Variants in KPNA3 observed in about 807,000 individuals in gnomAD.
KPNA3 encodes importin subunit alpha-4.
A neutral mutation model predicts 73.8 loss-of-function variants in KPNA3; 13 were observed. That is an observed-to-expected ratio of 0.18 (90% CI 0.11 to 0.28). The LOEUF (loss-of-function observed/expected upper bound fraction) is 0.28. KPNA3 is among the 10% of genes least tolerant of loss of function. KPNA3 has a pLI of 1.00. For synonymous variants in KPNA3, 186 were observed against 206.9 expected (o/e 0.90, Z 0.87); for missense variants, 360 against 618.1 (o/e 0.58, Z 4.43).
At chr13:49,777,770 C>A (rs938414893) in intron 1 of KPNA3, among the ~76,000 whole-genome samples, 7 of 151,862 alleles carry the variant, frequency 4.6e-5, no homozygotes, top group Non-Finnish European at 1.5e-5. Flanking sequence ...CTAGGCCTCT[C>A]AAAGTGCTGA....
At chr13:49,724,307 T>C (rs1426882919) in intron 7 of KPNA3, among the ~76,000 whole-genome samples, 3 of 142,192 alleles carry the variant, frequency 2.1e-5, no homozygotes, top group African/African-American at 7.8e-5. Context: ...ACATGATAAC[T>C]TTTTTTTTTT....
intron 10 of KPNA3, among the ~76,000 whole-genome samples, chr13:49,719,208 A>G (rs569813882): frequency 6.6e-6 from 1 of 152,290 alleles, no homozygotes; most frequent in East Asian, 1.9e-4. Context: ...TCACCTAAAA[A>G]TGCCTTGCAT....
chr13:49,751,381 T>G (rs375665227), intron 1 of KPNA3, among the ~76,000 whole-genome samples: 191 of 152,338 alleles, frequency 1.3e-3, no homozygotes, highest in African/African-American at 4.5e-3. Context: ...ACGGCCACTA[T>G]CTAAGAGTAA....
chr13:49,792,331 G>C (rs1172167780), intron 1 of KPNA3, 107 bp downstream of exon 1: 2 of 626,502 alleles, frequency 3.2e-6, no homozygotes, highest in East Asian at 9.6e-5. Context: ...GGCCAACTCC[G>C]GCCGACCACA....
intron 2 of KPNA3, among the ~76,000 whole-genome samples, chr13:49,736,000 C>T (rs771567264): frequency 1.3e-5 from 2 of 152,152 alleles, no homozygotes; most frequent in Admixed American, 6.5e-5. Context: ...AAGTTTGATG[C>T]CAATTCTTTT....
intron 6 of KPNA3, among the ~76,000 whole-genome samples, chr13:49,731,270 G>A (rs891513917): frequency 5.5e-5 from 1 of 18,114 alleles, no homozygotes; most frequent in Non-Finnish European, 1.0e-4. Flanking sequence ...TTTTTTTTTT[G>A]TAGAGCTGGG....
At chr13:49,778,360 A>AC (rs1954913622) in intron 1 of KPNA3, among the ~76,000 whole-genome samples, 1 of 152,212 alleles carries the variant, frequency 6.6e-6, no homozygotes, top group Non-Finnish European at 1.5e-5. Flanking sequence ...CCGAGCTGTA[A>AC]CCAATCTGAC....
At chr13:49,763,029 C>A (rs1954781894) in intron 1 of KPNA3, among the ~76,000 whole-genome samples, 1 of 151,476 alleles carries the variant, frequency 6.6e-6, no homozygotes, top group Non-Finnish European at 1.5e-5. Flanking sequence ...CTATTTCATA[C>A]TGGGAACAAA....
At chr13:49,768,088 C>G (rs1442781818) in intron 1 of KPNA3, among the ~76,000 whole-genome samples, 1 of 151,794 alleles carries the variant, frequency 6.6e-6, no homozygotes, top group South Asian at 2.1e-4. Context: ...GATCAGCCTG[C>G]CCAACATAAT....
At position 49,732,362 on chromosome 13, in the gene KPNA3, C is replaced by T. The variant is rs767630484; in HGVS notation, c.383+9G>A. 1.4e-6 allele frequency: 2 copies of T among 1,421,038 alleles called. No homozygotes were observed. Among genetic ancestry groups the T allele is most frequent in the Non-Finnish European group, 2.0e-6 (2 of 1,025,588 alleles). 88.0% of individuals were successfully genotyped at this position (1,421,038 alleles called of 1,614,324 possible). On this transcript the variant is annotated intron_variant, in intron 6 of 16. Coordinates refer to ENST00000261667, the MANE Select transcript of KPNA3 (RefSeq NM_002267.4). ...AAAAAACTGAATAGGGAGTAAAATCCATACTTACTTATCATCCCTTTCTAG... is the reference window on the plus strand; with the variant it reads ...AAAAAACTGAATAGGGAGTAAAATCTATACTTACTTATCATCCCTTTCTAG...
At chr13:49,721,869 T>C in intron 9 of KPNA3, 86 bp downstream of exon 9, 1 of 823,156 alleles carries the variant, frequency 1.2e-6, no homozygotes, top group Non-Finnish European at 1.8e-6. Flanking sequence ...AATCAGTATA[T>C]GTATTATTTT....
Position 49,700,708 on chromosome 13 carries a change from A to G in KPNA3, c.*1092T>C, listed in dbSNP as rs1954139202. The stretch of plus-strand genomic sequence containing the variant: ...TGGTTTGTTGCCAACCACATTATCA[A>G]AAGCACTGGTTACTAAGTAAAAAAT... On this transcript the variant is annotated 3_prime_UTR_variant, in exon 17 of 17. Coordinates refer to ENST00000261667, the MANE Select transcript of KPNA3 (RefSeq NM_002267.4). The G allele has an allele frequency of 6.6e-6, 1 of 152,656 alleles. No homozygotes were observed. The highest frequency in any genetic ancestry group is 1.5e-5 in the Non-Finnish European group (1 of 68,036). The allele number at this position is 152,656 out of a possible 1,614,324, so 9.5% of individuals were successfully genotyped here.
chr13:49,772,949 C>A (rs1163487566), intron 1 of KPNA3, among the ~76,000 whole-genome samples: 1 of 152,152 alleles, frequency 6.6e-6, no homozygotes, highest in Non-Finnish European at 1.5e-5. Flanking sequence ...AGCAGTCTTA[C>A]TTACAATTGC....
chr13:49,768,770 T>C (rs917419254), intron 1 of KPNA3, among the ~76,000 whole-genome samples: 3 of 152,186 alleles, frequency 2.0e-5, no homozygotes, highest in Admixed American at 6.5e-5. Context: ...GTACTACACA[T>C]GCCACCACTG....
chr13:49,784,796 T>C (rs567648777), intron 1 of KPNA3, among the ~76,000 whole-genome samples: 2 of 152,320 alleles, frequency 1.3e-5, no homozygotes, highest in East Asian at 1.9e-4. Flanking sequence ...AATATTTTAG[T>C]GCTTGCTTGG....
Position 49,792,564 on chromosome 13 carries a change from A to T in KPNA3, c.-58T>A. On this transcript the variant is annotated 5_prime_UTR_variant, in exon 1 of 17. Coordinates refer to ENST00000261667, the MANE Select transcript of KPNA3 (RefSeq NM_002267.4). ...GCGGCTGCGGCGGCGGCGGCGGCGA[A>T]TCTTGGAGCGGGAGGGGGAGGAGGG... is the stretch of plus-strand genomic sequence containing the variant. The T allele has an allele frequency of 1.4e-6, 1 of 721,476 alleles. No individual in the cohort carries two copies. The highest frequency in any genetic ancestry group is 2.1e-6 in the Non-Finnish European group (1 of 476,110). 44.7% of individuals were successfully genotyped at this position (721,476 alleles called of 1,614,324 possible).
rs1954239822 is a variant in KPNA3 at position 49,709,507 on chromosome 13, A to G, written c.1032+65T>C. The G allele has an allele frequency of 3.7e-6, 5 of 1,363,780 alleles. No homozygotes were observed. In the South Asian group the frequency reaches 7.2e-5, roughly 20 times the overall value. The allele number at this position is 1,363,780 out of a possible 1,614,324, so 84.5% of individuals were successfully genotyped here. A position where few individuals can be genotyped will look rare whatever the true frequency, so the allele number is the denominator to read the frequency against. ...GAAAAACATACAAGTAGCAATAGAA[A>G]CAAGGAGACAGTTAAAAATGAGACA... On this transcript the variant is annotated intron_variant, in intron 12 of 16. Coordinates refer to ENST00000261667, the MANE Select transcript of KPNA3 (RefSeq NM_002267.4).
chr13:49,706,061 A>G (rs1406485109), intron 14 of KPNA3, 37 bp downstream of exon 14: 1 of 1,557,368 alleles, frequency 6.4e-7, no homozygotes, highest in East Asian at 2.2e-5. Flanking sequence ...GCTTTCCAGT[A>G]TTAACAATCA....
intron 1 of KPNA3, among the ~76,000 whole-genome samples, chr13:49,760,656 C>G (rs1954751417): frequency 6.6e-6 from 1 of 152,128 alleles, no homozygotes; most frequent in Non-Finnish European, 1.5e-5. Context: ...CATTAATTAT[C>G]CTCAGTGGTT....
Sources: allele counts gnomAD v4.1 joint callset (sites outside exome capture counted in the v4.1 genomes callset), GRCh38; gene constraint gnomAD v4.1.1; transcripts MANE v1.5; gene names NCBI Gene and HGNC (gene_info 2026-07-23, HGNC 2026-07-21).